Variants in SLC3A2 observed in about 807,000 individuals in gnomAD.
SLC3A2 encodes solute carrier family 3 member 2.
A neutral mutation model predicts 48.5 loss-of-function variants in SLC3A2; 32 were observed. The ratio of observed to expected loss-of-function variants is 0.66; its 90% CI spans 0.50 to 0.89. The LOEUF is 0.89. SLC3A2 is among the 40% of genes least tolerant of loss of function. The pLI is 0.00. For missense variants in SLC3A2, 587 were observed against 680.7 expected, an observed-to-expected ratio of 0.86 and a Z score of 1.53; for synonymous variants, 277 against 288.8, an observed-to-expected ratio of 0.96 and a Z score of 0.41.
rs745456273 is a variant in SLC3A2 at position 62,881,253 on chromosome 11, G to T, written c.230G>T (p.Trp77Leu). 9.5e-6 allele frequency: 15 copies of T among 1,584,956 alleles called. No homozygotes were observed. Among genetic ancestry groups the T allele is most frequent in the African/African-American group, 1.3e-5 (1 of 74,618 alleles). Residue 77 changes from tryptophan (W) to leucine (L), a missense_variant, in exon 1 of 9, where the codon TGG (tryptophan) becomes TTG (leucine). Around this residue, in one of 3 missense-constraint regions of SLC3A2, gnomAD observed 409 missense variants for 446.7 expected, o/e 0.92. Coordinates refer to ENST00000338663, the MANE Select transcript of SLC3A2 (RefSeq NM_001013251.3). This position sits in a 1 kb window ranked among gnomAD's most constrained non-coding sequence, Gnocchi z 4.0. ...ELLKVAGSPG[W>L]VRTRWALLLL... The stretch of plus-strand genomic sequence containing the variant: ...CTGAAGGTGGCAGGCAGCCCCGGCT[G>T]GGTACGCACCCGCTGGGCACTGCTG...
intron 1 of SLC3A2, among the ~76,000 whole-genome samples, chr11:62,870,472 C>T (rs1409146781): frequency 1.3e-5 from 2 of 151,910 alleles, no homozygotes; most frequent in African/African-American, 4.8e-5. Flanking sequence ...GTGTGAGCCA[C>T]CGCGCCTGGC....
At chr11:62,887,122 A>G (rs1590638983) in intron 7 of SLC3A2, among the ~76,000 whole-genome samples, 1 of 152,176 alleles carries the variant, frequency 6.6e-6, no homozygotes, top group Non-Finnish European at 1.5e-5. Context: ...CTGAGGATAC[A>G]GCATTGCACA....
chr11:62,867,110 C>A (rs983446710), intron 1 of SLC3A2, among the ~76,000 whole-genome samples: 1 of 151,982 alleles, frequency 6.6e-6, no homozygotes, highest in Non-Finnish European at 1.5e-5. Context: ...CCTGCCTCAG[C>A]CTCCTGAGTA....
chr11:62,859,061 C>T (rs1005257416), intron 1 of SLC3A2, among the ~76,000 whole-genome samples: 7 of 151,584 alleles, frequency 4.6e-5, no homozygotes, highest in African/African-American at 1.7e-4. Context: ...AGCACAGACG[C>T]TTTACGGGTG....
upstream of SLC3A2, among the ~76,000 whole-genome samples, chr11:62,878,729 G>A (rs1483112157): frequency 7.5e-5 from 11 of 147,098 alleles, no homozygotes; most frequent in South Asian, 2.2e-4. Context: ...CACCTGCCTC[G>A]GCCTCCCAAA....
rs555729011 is a variant in SLC3A2, at chr11:62,866,684, C to T, written c.112+10303C>T. On this transcript the variant is annotated intron_variant, in intron 1 of 9. Coordinates refer to the SLC3A2 transcript ENST00000377889. ...GTGCTGAGATTACAAGGTGAGCCAC[C>T]GCATCTGGCCCTGCTTTTTTGGTCT... 4.6e-5 allele frequency among the ~76,000 whole-genome samples: 7 copies of T among 152,260 alleles called. No homozygotes were observed. In the South Asian group the frequency reaches 6.2e-4, roughly 14 times the overall value.
rs1319501055 is a variant in SLC3A2, at chr11:62,881,778, C to G, written c.425-115C>G. 2 of 1,208,416 alleles carry G rather than the reference C, an allele frequency of 1.7e-6. No homozygotes were observed. Among genetic ancestry groups the G allele is most frequent in the Admixed American group, 4.7e-5 (2 of 42,280 alleles). 74.9% of individuals were successfully genotyped at this position (1,208,416 alleles called of 1,614,324 possible). On this transcript the variant is annotated intron_variant, in intron 1 of 8. Transcript: ENST00000338663. This position sits in a 1 kb window ranked among gnomAD's most constrained non-coding sequence, Gnocchi z 4.0. ...AGTCTCGTGATTCAGCCTTGCCTCC[C>G]TCTCTCCCCCTTTGCCCCCTCCCCG... is the stretch of plus-strand genomic sequence containing the variant.
chr11:62,885,651 A>G (rs2085703828), intron 7 of SLC3A2, 43 bp downstream of exon 7: 3 of 1,604,158 alleles, frequency 1.9e-6, no homozygotes. Flanking sequence ...TTGTTTATCC[A>G]TCTTACAATG....
chr11:62,881,127 C>T lies in SLC3A2; in HGVS notation c.104C>T (p.Ala35Val), dbSNP rs771623889. ...GCGTCTGGGGCGGCCATGTCCCTGG[C>T]GGGAGCCGAGAAGAATGGTCTGGTG... ...NAASGAAMSL[A>V]GAEKNGLVKI... The change falls in exon 1 of 9, where the codon GCG (alanine) becomes GTG (valine). Residue 35 changes from alanine (A) to valine (V), a missense_variant. Ala to Val is a moderately conservative substitution (Grantham distance 64). Around this residue, in one of 3 missense-constraint regions of SLC3A2, gnomAD observed 409 missense variants for 446.7 expected, o/e 0.92. Coordinates refer to ENST00000338663, the MANE Select transcript of SLC3A2 (RefSeq NM_001013251.3). This position sits in a 1 kb window ranked among gnomAD's most constrained non-coding sequence, Gnocchi z 4.0. The T allele has an allele frequency of 1.2e-6, 2 of 1,606,012 alleles. No homozygotes were observed. Among genetic ancestry groups the T allele is most frequent in the Non-Finnish European group, 1.7e-6 (2 of 1,177,306 alleles).
At chr11:62,877,137 T>G (rs2085579243), upstream of SLC3A2, among the ~76,000 whole-genome samples, 1 of 151,292 alleles carries the variant, frequency 6.6e-6, no homozygotes. Context: ...CTGGGCTCAC[T>G]GCAACCTCTG....
At chr11:62,878,166 A>G (rs1315895617), upstream of SLC3A2, among the ~76,000 whole-genome samples, 1 of 151,962 alleles carries the variant, frequency 6.6e-6, no homozygotes, top group Non-Finnish European at 1.5e-5. Flanking sequence ...CTCAAAAAAA[A>G]AAAAACAAAA....
At chr11:62,880,891 T>G, upstream of SLC3A2, 1 of 1,436,604 alleles carries the variant, frequency 7.0e-7, no homozygotes, top group Non-Finnish European at 9.1e-7. Flanking sequence ...CGCCTGCTGC[T>G]GAGCAGATGC....
chr11:62,876,790 C>T (rs760541875), upstream of SLC3A2: 6 of 410,510 alleles, frequency 1.5e-5, no homozygotes, highest in South Asian at 7.8e-5. Context: ...TTAGTAGAAA[C>T]GGGGTTTCAC....
At chr11:62,857,806 G>A (rs1331393250) in intron 1 of SLC3A2, among the ~76,000 whole-genome samples, 2 of 151,872 alleles carry the variant, frequency 1.3e-5, no homozygotes, top group African/African-American at 4.8e-5. Flanking sequence ...AATGGCAGTC[G>A]GGAAATGCTT....
intron 1 of SLC3A2, among the ~76,000 whole-genome samples, chr11:62,875,128 G>A (rs940920522): frequency 6.6e-6 from 1 of 152,170 alleles, no homozygotes; most frequent in Non-Finnish European, 1.5e-5. Context: ...CAGCTTTGAT[G>A]TTTTGTTTCT....
intron 1 of SLC3A2, among the ~76,000 whole-genome samples, chr11:62,859,048 C>T (rs563619038): frequency 1.3e-5 from 2 of 152,310 alleles, no homozygotes; most frequent in Non-Finnish European, 2.9e-5. Context: ...ACTAATCCTC[C>T]TCAGCACAGA....
At chr11:62,883,708 C>T (rs929515820) in intron 3 of SLC3A2, 6 of 263,090 alleles carry the variant, frequency 2.3e-5, no homozygotes, top group African/African-American at 1.3e-4. Flanking sequence ...ACTAGGGGAC[C>T]CTTTAAAAGT....
chr11:62,880,898 A>G lies in SLC3A2; in HGVS notation c.-126A>G. The G allele has an allele frequency of 6.9e-7, 1 of 1,440,874 alleles. No individual in the cohort carries two copies. Among genetic ancestry groups the G allele is most frequent in the Non-Finnish European group, 9.1e-7 (1 of 1,096,318 alleles). 89.3% of individuals were successfully genotyped at this position (1,440,874 alleles called of 1,614,324 possible). A position where few individuals can be genotyped will look rare whatever the true frequency, so the allele number is the denominator to read the frequency against. On this transcript the variant is annotated 5_prime_UTR_variant, in exon 1 of 9. It removes an upstream start codon present in the reference 5' UTR. Coordinates refer to ENST00000338663, the MANE Select transcript of SLC3A2 (RefSeq NM_001013251.3). Reference sequence around the variant, plus strand: ...AGAGGCCGCGCCTGCTGCTGAGCAGATGCAGTAGCCGAAACTGCGCGGAGG... The same window carrying G: ...AGAGGCCGCGCCTGCTGCTGAGCAGGTGCAGTAGCCGAAACTGCGCGGAGG...
chr11:62,874,869 G>A (rs866372944), intron 1 of SLC3A2, among the ~76,000 whole-genome samples: 3 of 151,748 alleles, frequency 2.0e-5, no homozygotes, highest in Middle Eastern at 6.8e-3. Flanking sequence ...CAGGTTGAAG[G>A]GATTCTCCTG....
Sources: allele counts gnomAD v4.1 joint callset (sites outside exome capture counted in the v4.1 genomes callset), GRCh38; gene constraint gnomAD v4.1.1; regional missense constraint gnomAD v4.1.1; non-coding constraint Gnocchi (gnomAD v3.1); transcripts MANE v1.5; gene names NCBI Gene and HGNC (gene_info 2026-07-23, HGNC 2026-07-21).